Variants in ORC3 observed in about 807,000 individuals in gnomAD.
ORC3 encodes homolog of latheo, Drosophila.
ORC3 carries 78 observed loss-of-function variants against 100.7 expected under a neutral mutation model. The ratio of observed to expected loss-of-function variants is 0.77; its 90% CI spans 0.65 to 0.94. ORC3 has a LOEUF of 0.94. ORC3 is among the 40% of genes least tolerant of loss of function. ORC3 has a pLI of 0.00. For synonymous variants in ORC3, 295 were observed against 289.3 expected, an observed-to-expected ratio of 1.02 and a Z score of -0.20; for missense variants, 789 against 823.9, an observed-to-expected ratio of 0.96 and a Z score of 0.52.
chr6:87,631,320 A>G (rs1326103349), intron 11 of ORC3, among the ~76,000 whole-genome samples: 1 of 152,338 alleles, frequency 6.6e-6, no homozygotes, highest in East Asian at 1.9e-4. Context: ...GACAAAGTGT[A>G]TCTCCGTAGA....
the ORC3 span, chr6:87,675,279 A>C: frequency 2.7e-6 from 1 of 370,032 alleles, no homozygotes; most frequent in East Asian, 4.4e-5. Context: ...TTTTATTTAC[A>C]CAACCAGTGA....
chr6:87,665,734 C>T lies in ORC3; in HGVS notation c.1951-20C>T. 1.3e-6 allele frequency: 2 copies of T among 1,533,828 alleles called. No individual in the cohort carries two copies. The highest frequency in any genetic ancestry group is 1.8e-6 in the Non-Finnish European group (2 of 1,110,598). On this transcript the variant is annotated intron_variant, in intron 18 of 19. Coordinates refer to ENST00000392844, the MANE Select transcript of ORC3 (RefSeq NM_012381.4). ...CAACTGTAGACATTTTTATTTTCTT[C>T]TGTCTTGTCTATTCAAAAGGCTTTT...
chr6:87,617,318 T>G (rs541417268), intron 9 of ORC3, among the ~76,000 whole-genome samples: 2 of 152,226 alleles, frequency 1.3e-5, no homozygotes, highest in Non-Finnish European at 2.9e-5. Context: ...CTTCATGATA[T>G]ATGCTGTAAC....
chr6:87,603,463 A>G lies in ORC3; in HGVS notation c.257A>G (p.Lys86Arg). The G allele has an allele frequency of 6.5e-7, 1 of 1,536,498 alleles. No homozygotes were observed. Among genetic ancestry groups the G allele is most frequent in the Non-Finnish European group, 8.9e-7 (1 of 1,125,570 alleles). The change falls in exon 4 of 20, where the codon AAG (lysine) becomes AGG (arginine). Residue 86 changes from lysine to arginine, a missense_variant. This residue lies in a region of ORC3 where 399 missense variants were observed against 382.0 expected (regional missense o/e 1.04). Coordinates refer to ENST00000392844, the MANE Select transcript of ORC3 (RefSeq NM_012381.4). Reference sequence around the variant, plus strand: ...CAAAAATCACATTCTGGATTCCAGAAGAATTCAAGAGACTTGGGCGGTCAA... The same window carrying G: ...CAAAAATCACATTCTGGATTCCAGAGGAATTCAAGAGACTTGGGCGGTCAA... ...FLQKSHSGFQ[K>R]NSRDLGGQIK...
At position 87,645,984 on chromosome 6, in the gene ORC3, C is replaced by CTTTTTTTTTTTTTT. The variant is rs747686139; in HGVS notation, c.1383-7122_1383-7121insTTTTTTTTTTTTTT. On this transcript the variant is annotated intron_variant, in intron 13 of 19. Transcript: ENST00000392844. ...GTGAAATAATTTTTTCTTTTTTTTT[C>CTTTTTTTTTTTTTT]TTTTTTTTTTCTTTTTTTTTGAGGC... is the stretch of plus-strand genomic sequence containing the variant. Among the ~76,000 whole-genome samples the CTTTTTTTTTTTTTT allele has an allele frequency of 2.4e-5, 3 of 127,012 alleles. 1 individual carries two copies. Among genetic ancestry groups the CTTTTTTTTTTTTTT allele is most frequent in the Non-Finnish European group, 3.3e-5 (2 of 60,114 alleles). The allele number at this position is 127,012 out of a possible 152,430, so 83.3% of individuals were successfully genotyped here. A position where few individuals can be genotyped will look rare whatever the true frequency, so the allele number is the denominator to read the frequency against.
intron 8 of ORC3, among the ~76,000 whole-genome samples, chr6:87,613,867 C>A (rs541433638): frequency 1.3e-5 from 2 of 152,350 alleles, no homozygotes; most frequent in South Asian, 4.1e-4. Flanking sequence ...CAGCCTCCCT[C>A]CTGGCTGCCT....
rs748376761 is a variant in ORC3 at position 87,664,730 on chromosome 6, T to C, written c.1834-13T>C. On this transcript the variant is annotated splice_polypyrimidine_tract_variant and intron_variant, in intron 17 of 19. Coordinates refer to ENST00000392844, the MANE Select transcript of ORC3 (RefSeq NM_012381.4). ...ATAAAAGTTAGTCATCTTAGTTTAC[T>C]GTTAATTGTTAGAATGAAGCACTGA... 2 of 1,599,736 alleles carry C rather than the reference T, an allele frequency of 1.3e-6. No homozygotes were observed. The highest frequency in any genetic ancestry group is 1.7e-6 in the Non-Finnish European group (2 of 1,166,890).
intron 17 of ORC3, among the ~76,000 whole-genome samples, chr6:87,663,568 A>C (rs543688525): frequency 8.5e-5 from 13 of 152,346 alleles, no homozygotes; most frequent in Admixed American, 7.2e-4. Flanking sequence ...TTGGGACTTC[A>C]TCTTGGATTT....
At chr6:87,643,944 G>A (rs1053447100) in intron 13 of ORC3, among the ~76,000 whole-genome samples, 11 of 151,950 alleles carry the variant, frequency 7.2e-5, no homozygotes, top group African/African-American at 2.7e-4. Context: ...ACATTGTATT[G>A]TTTAGAAAAT....
At chr6:87,662,853 T>C (rs1281997456) in intron 16 of ORC3, 150 bp from the exon 17 acceptor site, 52 of 371,806 alleles carry the variant, frequency 1.4e-4, no homozygotes, top group Non-Finnish European at 4.4e-6. Flanking sequence ...TTTTAGTAAA[T>C]GGTTCAGTCC....
intron 3 of ORC3, 117 bp downstream of exon 3, chr6:87,601,998 G>A (rs923197918): frequency 7.3e-6 from 5 of 681,360 alleles, no homozygotes; most frequent in Non-Finnish European, 1.3e-5. Flanking sequence ...TATTGGTCAA[G>A]CATAGCCTGT....
intron 10 of ORC3, 37 bp from the exon 11 acceptor site, chr6:87,621,913 T>C: frequency 1.4e-6 from 2 of 1,454,902 alleles, no homozygotes; most frequent in South Asian, 1.2e-5. Context: ...GAATGTTTAA[T>C]TTTCTCTTTT....
In ORC3 at chr6:87,664,879, A is replaced by G. The variant is rs757305686; in HGVS notation, c.1950+20A>G. The G allele has an allele frequency of 2.3e-5, 33 of 1,436,048 alleles. No individual in the cohort carries two copies. The highest frequency in any genetic ancestry group is 1.9e-6 in the Non-Finnish European group (2 of 1,032,126). 89.0% of individuals were successfully genotyped at this position (1,436,048 alleles called of 1,614,324 possible). A position where few individuals can be genotyped will look rare whatever the true frequency, so the allele number is the denominator to read the frequency against. On this transcript the variant is annotated intron_variant, in intron 18 of 19. Transcript: ENST00000392844. ...TCAGAGGTAGGTTGTAGGGAAAAGAACAAGCTAGATATTTTTCTAACCATC... is the reference window on the plus strand; with the variant it reads ...TCAGAGGTAGGTTGTAGGGAAAAGAGCAAGCTAGATATTTTTCTAACCATC...
At chr6:87,595,846 A>G (rs1343911697) in intron 2 of ORC3, among the ~76,000 whole-genome samples, 1 of 152,018 alleles carries the variant, frequency 6.6e-6, no homozygotes, top group African/African-American at 2.4e-5. Context: ...TTGTTGATTT[A>G]TTTTAGAGAC....
chr6:87,653,105 C>A lies in ORC3; in HGVS notation c.1383-11C>A. The A allele has an allele frequency of 6.4e-7, 1 of 1,574,572 alleles. No individual in the cohort carries two copies. The highest frequency in any genetic ancestry group is 1.2e-5 in the South Asian group (1 of 84,486). The stretch of plus-strand genomic sequence containing the variant: ...GTTATATTACATTTCCTGTCACTGA[C>A]TCTGTTCTAGGATGTTGGCAAAGGA... On this transcript the variant is annotated splice_polypyrimidine_tract_variant and intron_variant, in intron 13 of 19. Coordinates refer to ENST00000392844, the MANE Select transcript of ORC3 (RefSeq NM_012381.4).
Position 87,665,836 on chromosome 6 carries a change from A to G in ORC3, c.2030+3A>G. Reference sequence around the variant, plus strand: ...GAAGAAATGAATGAAATTATCCAGTATCCTTTTAAAACCATTTCTACAATG... The same window carrying G: ...GAAGAAATGAATGAAATTATCCAGTGTCCTTTTAAAACCATTTCTACAATG... On this transcript the variant is annotated splice_donor_region_variant and intron_variant, in intron 19 of 19. Coordinates refer to ENST00000392844, the MANE Select transcript of ORC3 (RefSeq NM_012381.4). 1 of 1,577,712 alleles carries G rather than the reference A, an allele frequency of 6.3e-7. No individual in the cohort carries two copies. The highest frequency in any genetic ancestry group is 8.7e-7 in the Non-Finnish European group (1 of 1,147,718).
intron 13 of ORC3, among the ~76,000 whole-genome samples, chr6:87,639,825 CAA>C (rs548788316): frequency 5.4e-4 from 32 of 58,748 alleles, no homozygotes; most frequent in African/African-American, 1.9e-3. Flanking sequence ...GCCAAAAATA[CAA>C]AAAAAAAAAA....
At chr6:87,639,590 C>T (rs1768075379) in intron 13 of ORC3, among the ~76,000 whole-genome samples, 1 of 152,136 alleles carries the variant, frequency 6.6e-6, no homozygotes, top group Non-Finnish European at 1.5e-5. Context: ...CCTGACCCAG[C>T]CTGGGGAGTG....
rs185431869 is a variant in ORC3, at chr6:87,620,654, T to C, written c.988-700T>C. On this transcript the variant is annotated intron_variant, in intron 9 of 19. Coordinates refer to ENST00000392844, the MANE Select transcript of ORC3 (RefSeq NM_012381.4). ...TTGCTTAGAATCAACATAATGAACA[T>C]TTGCATAGTCTTGCAAGTTATACCA... Among the ~76,000 whole-genome samples, 171 of 152,300 alleles carry C rather than the reference T, an allele frequency of 1.1e-3. 1 individual carries two copies. Among genetic ancestry groups the C allele is most frequent in the African/African-American group, 3.9e-3 (163 of 41,572 alleles).
Sources: allele counts gnomAD v4.1 joint callset (sites outside exome capture counted in the v4.1 genomes callset), GRCh38; gene constraint gnomAD v4.1.1; regional missense constraint gnomAD v4.1.1; transcripts MANE v1.5; gene names NCBI Gene and HGNC (gene_info 2026-07-23, HGNC 2026-07-21).